The following TTC7A variants were observed in gnomAD, a reference collection of about 807,000 sequenced individuals.
TTC7A encodes the protein tetratricopeptide repeat protein 7A.
In TTC7A, 110 loss-of-function variants were observed where a neutral mutation model predicts 103.7. The observed-to-expected ratio is 1.06, with a 90% confidence interval of 0.91 to 1.24. TTC7A has a LOEUF of 1.24. Ranked by LOEUF, TTC7A falls within the 50% of genes most tolerant of loss-of-function variation. The pLI, the probability that TTC7A is intolerant of heterozygous loss-of-function variation, is 0.00. For missense variants in TTC7A, 1,340 were observed against 1,116.3 expected (o/e 1.20, Z -2.86); for synonymous variants, 521 against 467.9 (o/e 1.11, Z -1.47).
intron 5 of TTC7A, among the ~76,000 whole-genome samples, chr2:46,987,189 C>A (rs533180243): frequency 2.6e-5 from 4 of 152,326 alleles, no homozygotes; most frequent in African/African-American, 7.2e-5. Context: ...CACTAGAGGG[C>A]AGCCGTGGAC....
intron 8 of TTC7A, among the ~76,000 whole-genome samples, chr2:46,997,439 C>T (rs1243253447): frequency 6.6e-6 from 1 of 152,128 alleles, no homozygotes; most frequent in Non-Finnish European, 1.5e-5. Flanking sequence ...TATGAAATTG[C>T]CAATTTTCAA....
At chr2:47,002,165 G>A (rs1013913094) in intron 8 of TTC7A, among the ~76,000 whole-genome samples, 30 of 152,306 alleles carry the variant, frequency 2.0e-4, no homozygotes, top group Non-Finnish European at 2.6e-4. Context: ...GAGAACAGCC[G>A]GAAGGACAAA....
intron 16 of TTC7A, among the ~76,000 whole-genome samples, chr2:47,046,652 G>A (rs1483232501): frequency 1.3e-5 from 2 of 152,252 alleles, no homozygotes; most frequent in South Asian, 4.1e-4. Flanking sequence ...GGACATTGAG[G>A]TTCAGAGTGG....
chr2:46,988,492 C>T (rs902269011), intron 5 of TTC7A, among the ~76,000 whole-genome samples: 6 of 152,218 alleles, frequency 3.9e-5, no homozygotes, highest in African/African-American at 7.2e-5. Flanking sequence ...CCCTGGAATG[C>T]GGACATCTGG....
chr2:46,983,481 A>G (rs547791609), intron 5 of TTC7A, among the ~76,000 whole-genome samples: 126 of 152,232 alleles, frequency 8.3e-4, no homozygotes, highest in African/African-American at 2.9e-3. Context: ...TCCCTCTGCC[A>G]GTTGTGAGCT....
chr2:46,965,898 A>C (rs1672791580), intron 3 of TTC7A, among the ~76,000 whole-genome samples: 1 of 151,478 alleles, frequency 6.6e-6, no homozygotes. Flanking sequence ...GAAGGGTTAA[A>C]CCCTTACCTA....
intron 19 of TTC7A, among the ~76,000 whole-genome samples, chr2:47,062,915 G>T (rs1380164923): frequency 6.6e-6 from 1 of 152,242 alleles, no homozygotes; most frequent in Non-Finnish European, 1.5e-5. Flanking sequence ...CTCTTTTAAA[G>T]TTACAAGCAA....
At chr2:46,964,318 G>A (rs1672648858) in intron 3 of TTC7A, among the ~76,000 whole-genome samples, 3 of 152,190 alleles carry the variant, frequency 2.0e-5, no homozygotes, top group Non-Finnish European at 2.9e-5. Context: ...GTTTGGAGGT[G>A]CAGTGTAATC....
Position 47,007,661 on chromosome 2 carries a change from A to G in TTC7A, c.1287+937A>G, listed in dbSNP as rs1677563920. 2.0e-5 allele frequency among the ~76,000 whole-genome samples: 3 copies of G among 152,268 alleles called. No individual in the cohort carries two copies. Among genetic ancestry groups the G allele is most frequent in the African/African-American group, 7.2e-5 (3 of 41,570 alleles). On this transcript the variant is annotated intron_variant, in intron 10 of 19. Coordinates refer to ENST00000319190, the MANE Select transcript of TTC7A (RefSeq NM_020458.4). This position sits in a 1 kb window ranked among gnomAD's most constrained non-coding sequence, Gnocchi z 4.9. ...GTGCCAGCCAGCTCGGGGCCTCGGC[A>G]GCCGAGGCAGGCCAGGCCCTGGCAG...
At chr2:47,022,418 C>T (rs943583187) in intron 12 of TTC7A, among the ~76,000 whole-genome samples, 2 of 152,218 alleles carry the variant, frequency 1.3e-5, no homozygotes, top group East Asian at 1.9e-4. Context: ...CCCCTCAATA[C>T]GTGGCATAGG....
At position 47,073,976 on chromosome 2, in the gene TTC7A, G is replaced by C; in HGVS notation, c.*53G>C. ...GCTGGCCAGAGGGAGAGGCAGCAGG[G>C]AACGTGGGTCAGGGTGGGGCAACAG... On this transcript the variant is annotated 3_prime_UTR_variant, in exon 20 of 20. Coordinates refer to ENST00000319190, the MANE Select transcript of TTC7A (RefSeq NM_020458.4). The C allele has an allele frequency of 6.7e-7, 1 of 1,501,376 alleles. No homozygotes were observed. Among genetic ancestry groups the C allele is most frequent in the Non-Finnish European group, 9.1e-7 (1 of 1,098,096 alleles). 93.0% of individuals were successfully genotyped at this position (1,501,376 alleles called of 1,614,324 possible). A position where few individuals can be genotyped will look rare whatever the true frequency, so the allele number is the denominator to read the frequency against.
At position 47,007,618 on chromosome 2, in the gene TTC7A, C is replaced by T. The variant is rs948967957; in HGVS notation, c.1287+894C>T. Among the ~76,000 whole-genome samples the T allele has an allele frequency of 3.3e-5, 5 of 152,170 alleles. No homozygotes were observed. Among genetic ancestry groups the T allele is most frequent in the Admixed American group, 1.3e-4 (2 of 15,288 alleles). ...GGGCCCTCCTGGCTTGCCAGTGCCTCCTCCACGCATCAAGGGCGTGCCAGC... is the reference window on the plus strand; with the variant it reads ...GGGCCCTCCTGGCTTGCCAGTGCCTTCTCCACGCATCAAGGGCGTGCCAGC... On this transcript the variant is annotated intron_variant, in intron 10 of 19. Coordinates refer to ENST00000319190, the MANE Select transcript of TTC7A (RefSeq NM_020458.4). This position sits in a 1 kb window ranked among gnomAD's most constrained non-coding sequence, Gnocchi z 4.9.
intron 5 of TTC7A, among the ~76,000 whole-genome samples, chr2:46,980,738 T>C (rs1057292368): frequency 7.2e-5 from 11 of 152,194 alleles, no homozygotes; most frequent in African/African-American, 2.2e-4. Context: ...CCATAGCAGA[T>C]ACCAGTCACA....
chr2:46,929,564 A>T (rs1669586121), intron 2 of TTC7A, among the ~76,000 whole-genome samples: 1 of 152,236 alleles, frequency 6.6e-6, no homozygotes, highest in South Asian at 2.1e-4. Context: ...AGGAAATGTA[A>T]AAAAATTTTT....
intron 8 of TTC7A, among the ~76,000 whole-genome samples, chr2:47,000,658 G>A (rs1190130066): frequency 6.6e-6 from 1 of 152,164 alleles, no homozygotes; most frequent in Non-Finnish European, 1.5e-5. Context: ...GCATGACAGT[G>A]TCCTCCAGGG....
chr2:47,067,964 C>T (rs1258086157), intron 19 of TTC7A: 1 of 152,220 alleles, frequency 6.6e-6, no homozygotes, highest in Non-Finnish European at 1.5e-5. Context: ...GTCACAGACC[C>T]TAGCTGCCTT....
chr2:47,063,149 G>T (rs935709081), intron 19 of TTC7A, among the ~76,000 whole-genome samples: 8 of 152,216 alleles, frequency 5.3e-5, no homozygotes, highest in Non-Finnish European at 1.0e-4. Context: ...GGACATCTGG[G>T]ATCTAATCCT....
chr2:47,006,000 A>G lies in TTC7A; in HGVS notation c.1144A>G (p.Ile382Val), dbSNP rs757541124. The G allele has an allele frequency of 7.4e-6, 12 of 1,613,770 alleles. No homozygotes were observed. The highest frequency in any genetic ancestry group is 1.0e-5 in the Non-Finnish European group (12 of 1,179,996). Residue 382 changes from isoleucine (I) to valine (V), a missense_variant, in exon 9 of 20, where the codon ATC becomes GTC. Ile to Val is a conservative substitution (Grantham distance 29, BLOSUM62 3). Transcript: ENST00000319190. ...RTVSLQNAAA[I>V]YDLLSITLGR... Reference sequence around the variant, plus strand: ...AGTGAGCTTGCAGAATGCCGCAGCCATCTATGACCTCCTGAGCATCACGTT... The same window carrying G: ...AGTGAGCTTGCAGAATGCCGCAGCCGTCTATGACCTCCTGAGCATCACGTT...
rs576562654 is a variant in TTC7A, at chr2:47,012,478, G to A, written c.1392+1043G>A. On this transcript the variant is annotated intron_variant, in intron 11 of 19. Coordinates refer to ENST00000319190, the MANE Select transcript of TTC7A (RefSeq NM_020458.4). ...GTCTTCCAGTTGGCCTGACACCTTC[G>A]GCCACCCCCTCACCATTGTGTGCCC... Among the ~76,000 whole-genome samples the A allele has an allele frequency of 6.6e-5, 10 of 152,204 alleles. No individual in the cohort carries two copies. The South Asian group carries it at 2.1e-3, about 32-fold the overall frequency.
Sources: allele counts gnomAD v4.1 joint callset (sites outside exome capture counted in the v4.1 genomes callset), GRCh38; gene constraint gnomAD v4.1.1; non-coding constraint Gnocchi (gnomAD v3.1); transcripts MANE v1.5; gene names NCBI Gene and HGNC (gene_info 2026-07-23, HGNC 2026-07-21).